The following LHFPL6 variants were observed in gnomAD, a reference collection of about 807,000 sequenced individuals.
LHFPL6 encodes the protein LHFPL tetraspan subfamily member 6.
In LHFPL6, 9 loss-of-function variants were observed where a neutral mutation model predicts 20.6. The observed-to-expected ratio is 0.44, with a 90% confidence interval of 0.26 to 0.76. The LOEUF (loss-of-function observed/expected upper bound fraction) is 0.76. Ranked by LOEUF, LHFPL6 falls within the 30% of genes least tolerant of loss-of-function variation. LHFPL6 has a pLI of 0.20. For missense variants in LHFPL6, 218 were observed against 253.5 expected (o/e 0.86, Z 0.95); for synonymous variants, 105 against 98.7 (o/e 1.06, Z -0.38).
At chr13:39,469,683 G>A (rs1872896591) in intron 2 of LHFPL6, among the ~76,000 whole-genome samples, 1 of 152,216 alleles carries the variant, frequency 6.6e-6, no homozygotes, top group African/African-American at 2.4e-5. Context: ...TGTAGTAGAT[G>A]TTTGTGGGTT....
intron 2 of LHFPL6, among the ~76,000 whole-genome samples, chr13:39,515,219 C>CACAAAG (rs1345847928): frequency 4.6e-5 from 7 of 152,208 alleles, no homozygotes; most frequent in Non-Finnish European, 1.0e-4. Context: ...ACAAAGCAAT[C>CACAAAG]CAAGCCAGGG....
intron 2 of LHFPL6, among the ~76,000 whole-genome samples, chr13:39,492,086 A>G (rs1868943645): frequency 6.6e-6 from 1 of 152,254 alleles, no homozygotes; most frequent in Admixed American, 6.5e-5. Flanking sequence ...TCTCTAGTAC[A>G]GTGCCAAGCG....
chr13:39,371,641 A>C (rs1414890883), intron 3 of LHFPL6, among the ~76,000 whole-genome samples: 1 of 152,240 alleles, frequency 6.6e-6, no homozygotes, highest in Non-Finnish European at 1.5e-5. Context: ...TACACTGATG[A>C]TAGGACCACA....
chr13:39,433,078 A>G (rs999040739), intron 2 of LHFPL6, among the ~76,000 whole-genome samples: 1 of 152,198 alleles, frequency 6.6e-6, no homozygotes, highest in Non-Finnish European at 1.5e-5. Context: ...TAAAATCAAC[A>G]GATTGGAGCC....
intron 2 of LHFPL6, among the ~76,000 whole-genome samples, chr13:39,579,793 G>A (rs1872224657): frequency 1.3e-5 from 2 of 152,104 alleles, no homozygotes; most frequent in South Asian, 4.1e-4. Flanking sequence ...ATAGAATAAC[G>A]ATCTAGCAAT....
intron 2 of LHFPL6, among the ~76,000 whole-genome samples, chr13:39,498,744 A>T (rs1388826975): frequency 6.6e-6 from 1 of 152,226 alleles, no homozygotes; most frequent in Non-Finnish European, 1.5e-5. Context: ...CAAGGAGTGA[A>T]GTCCATAGTT....
rs1871347472 is a variant in LHFPL6 at position 39,416,332 on chromosome 13, CA to C, written c.386-37807del. Among the ~76,000 whole-genome samples the C allele has an allele frequency of 2.0e-5, 3 of 149,650 alleles. No individual in the cohort carries two copies. In the South Asian group the frequency reaches 6.4e-4, roughly 32 times the overall value. On this transcript the variant is annotated intron_variant, in intron 2 of 3. Transcript: ENST00000379589. ...CCAGACATATTACAGATGCTTAGCA[CA>C]TGTTTGTTGAATGAATGAACCTTAA...
intron 2 of LHFPL6, among the ~76,000 whole-genome samples, chr13:39,555,321 G>GC (rs1365846563): frequency 6.9e-6 from 1 of 145,268 alleles, no homozygotes; most frequent in Non-Finnish European, 1.5e-5. Context: ...AGCTCTCCCC[G>GC]CCCTTTTTTT....
At chr13:39,430,302 GTAAC>G (rs962521953) in intron 2 of LHFPL6, among the ~76,000 whole-genome samples, 6 of 152,218 alleles carry the variant, frequency 3.9e-5, no homozygotes, top group African/African-American at 1.4e-4. Context: ...TGGGCATCAA[GTAAC>G]TGACTGATGT....
At chr13:39,597,564 C>T (rs1181328109) in intron 2 of LHFPL6, among the ~76,000 whole-genome samples, 1 of 152,188 alleles carries the variant, frequency 6.6e-6, no homozygotes, top group Non-Finnish European at 1.5e-5. Flanking sequence ...CATTGTATTT[C>T]CCCACAGCCT....
intron 2 of LHFPL6, among the ~76,000 whole-genome samples, chr13:39,457,003 C>T (rs1367424374): frequency 1.3e-5 from 2 of 152,052 alleles, no homozygotes; most frequent in Admixed American, 6.5e-5. Context: ...TTTCACTATG[C>T]TGGCCAGGCT....
chr13:39,387,184 A>C (rs1395951478), intron 2 of LHFPL6, among the ~76,000 whole-genome samples: 1 of 152,212 alleles, frequency 6.6e-6, no homozygotes, highest in Non-Finnish European at 1.5e-5. Flanking sequence ...ATTATTTAGT[A>C]CTTTAAAATC....
intron 3 of LHFPL6, among the ~76,000 whole-genome samples, chr13:39,371,686 A>C (rs1481061956): frequency 6.6e-6 from 1 of 152,236 alleles, no homozygotes; most frequent in East Asian, 1.9e-4. Flanking sequence ...GAAAAGACTA[A>C]AATGCCTTTT....
chr13:39,422,574 G>T (rs918523816), intron 2 of LHFPL6, among the ~76,000 whole-genome samples: 1 of 86,830 alleles, frequency 1.2e-5, no homozygotes, highest in African/African-American at 4.6e-5. Flanking sequence ...CAACAAGAGC[G>T]AAACTCCAAC....
At chr13:39,508,574 A>T (rs1430075679) in intron 2 of LHFPL6, among the ~76,000 whole-genome samples, 1 of 152,216 alleles carries the variant, frequency 6.6e-6, no homozygotes, top group African/African-American at 2.4e-5. Flanking sequence ...TATTAATGGA[A>T]TCATACAGTA....
At chr13:39,484,205 C>T (rs554777590) in intron 2 of LHFPL6, among the ~76,000 whole-genome samples, 1 of 152,258 alleles carries the variant, frequency 6.6e-6, no homozygotes, top group Admixed American at 6.5e-5. Flanking sequence ...CACTTCATAT[C>T]CAACAAAGTG....
At chr13:39,581,753 G>A (rs1872294906) in intron 2 of LHFPL6, among the ~76,000 whole-genome samples, 1 of 152,000 alleles carries the variant, frequency 6.6e-6, no homozygotes, top group Admixed American at 6.6e-5. Context: ...TTCCTATAAA[G>A]TACAAACTTC....
At chr13:39,420,568 G>A (rs2138395553) in intron 2 of LHFPL6, among the ~76,000 whole-genome samples, 1 of 152,290 alleles carries the variant, frequency 6.6e-6, no homozygotes, top group South Asian at 2.1e-4. Flanking sequence ...AGATACTGAA[G>A]GAAGTGGGGT....
intron 2 of LHFPL6, among the ~76,000 whole-genome samples, chr13:39,429,666 T>C (rs1871736502): frequency 6.6e-6 from 1 of 152,158 alleles, no homozygotes; most frequent in Non-Finnish European, 1.5e-5. Flanking sequence ...TTTTTTCTAA[T>C]CCTCTTTATG....
Sources: gnomAD v4.1 joint callset for allele counts (sites outside exome capture counted in the v4.1 genomes callset) on GRCh38, gnomAD v4.1.1 for gene constraint, MANE v1.5 for transcripts, NCBI Gene and HGNC (gene_info 2026-07-23, HGNC 2026-07-21) for gene names.